HEPACAM2: variants seen among roughly 807,000 people sequenced by gnomAD.
HEPACAM2 encodes mitotic kinetics regulator.
Under a neutral mutation model 49.6 loss-of-function variants are expected in HEPACAM2, and 49 were observed. That is an observed-to-expected ratio of 0.99 (90% CI 0.78 to 1.25). The LOEUF (loss-of-function observed/expected upper bound fraction) is 1.25. Among genes scored for constraint, HEPACAM2 ranks in the 50% most tolerant of loss-of-function variants. The pLI is 0.00. For missense variants in HEPACAM2, 525 were observed against 557.2 expected (o/e 0.94, Z 0.58); for synonymous variants, 197 against 202.9 (o/e 0.97, Z 0.25).
intron 9 of HEPACAM2, among the ~76,000 whole-genome samples, chr7:93,191,541 T>C (rs1293392848): frequency 6.6e-6 from 1 of 152,164 alleles, no homozygotes; most frequent in Admixed American, 6.6e-5. Flanking sequence ...TGATGGAAGA[T>C]GATCTGTGGC....
intron 4 of HEPACAM2, among the ~76,000 whole-genome samples, chr7:93,201,048 T>G (rs564199482): frequency 4.6e-5 from 7 of 152,078 alleles, no homozygotes; most frequent in African/African-American, 1.7e-4. Context: ...AGAAAACCCA[T>G]GTAGGTAGGG....
At chr7:93,197,170 TATA>T (rs771587906) in intron 7 of HEPACAM2, 68 bp downstream of exon 7, 84 of 1,005,540 alleles carry the variant, frequency 8.4e-5, no homozygotes, top group Non-Finnish European at 1.1e-4. Context: ...ATTAATAATA[TATA>T]ATAATATTAA....
intron 2 of HEPACAM2, among the ~76,000 whole-genome samples, chr7:93,216,735 A>C (rs1794315998): frequency 1.3e-5 from 2 of 152,182 alleles, no homozygotes; most frequent in Non-Finnish European, 1.5e-5. Flanking sequence ...GGTGTATTTA[A>C]TAATCTCCTT....
At chr7:93,231,363 C>G (rs1305522173), upstream of HEPACAM2, among the ~76,000 whole-genome samples, 1 of 152,210 alleles carries the variant, frequency 6.6e-6, no homozygotes, top group African/African-American at 2.4e-5. Context: ...CTTAACACAT[C>G]TGATGACCGA....
intron 4 of HEPACAM2, among the ~76,000 whole-genome samples, chr7:93,207,924 TAG>T (rs1794071140): frequency 6.6e-6 from 1 of 151,892 alleles, no homozygotes; most frequent in Non-Finnish European, 1.5e-5. Context: ...AACCATTCTG[TAG>T]AGAGAGAAGA....
At chr7:93,217,225 A>G (rs1328470883) in intron 2 of HEPACAM2, among the ~76,000 whole-genome samples, 1 of 152,200 alleles carries the variant, frequency 6.6e-6, no homozygotes, top group Non-Finnish European at 1.5e-5. Context: ...TGGAACTGTA[A>G]GTGGTATGAG....
At chr7:93,216,269 G>A (rs1305918627) in intron 2 of HEPACAM2, among the ~76,000 whole-genome samples, 1 of 152,070 alleles carries the variant, frequency 6.6e-6, no homozygotes, top group East Asian at 1.9e-4. Flanking sequence ...CATTTGTGTT[G>A]TAACATTATG....
At chr7:93,198,494 A>G (rs1307964062) in intron 4 of HEPACAM2, among the ~76,000 whole-genome samples, 1 of 152,138 alleles carries the variant, frequency 6.6e-6, no homozygotes, top group East Asian at 1.9e-4. Flanking sequence ...AACACAACTT[A>G]TTAACTGTGG....
chr7:93,206,288 AAATT>A (rs1794026889), intron 4 of HEPACAM2, among the ~76,000 whole-genome samples: 2 of 152,084 alleles, frequency 1.3e-5, no homozygotes, highest in Non-Finnish European at 2.9e-5. Flanking sequence ...AAGCCTATAA[AAATT>A]AATAAAATGG....
At chr7:93,228,495 AG>A (rs1360111546), upstream of HEPACAM2, among the ~76,000 whole-genome samples, 1 of 152,198 alleles carries the variant, frequency 6.6e-6, no homozygotes, top group African/African-American at 2.4e-5. Context: ...ATGTTTACAC[AG>A]GAAGTGAGAA....
intron 2 of HEPACAM2, among the ~76,000 whole-genome samples, chr7:93,216,472 A>G (rs2116707232): frequency 6.6e-6 from 1 of 152,340 alleles, no homozygotes; most frequent in East Asian, 1.9e-4. Context: ...GCTCTTAATA[A>G]TATTTGTCAA....
intron 3 of HEPACAM2, among the ~76,000 whole-genome samples, chr7:93,210,079 A>G (rs538879236): frequency 6.6e-6 from 1 of 151,954 alleles, no homozygotes; most frequent in Middle Eastern, 3.4e-3. Flanking sequence ...CACTTTTCCC[A>G]TTGCTTTCTT....
chr7:93,224,949 A>G (rs1485567352), intron 1 of HEPACAM2, among the ~76,000 whole-genome samples: 1 of 152,178 alleles, frequency 6.6e-6, no homozygotes. Context: ...AAGATTGCCA[A>G]GTCATCTGTG....
chr7:93,192,434 G>A (rs1215407141), intron 8 of HEPACAM2, 71 bp from the exon 9 acceptor site: 14 of 1,131,214 alleles, frequency 1.2e-5, no homozygotes, highest in Non-Finnish European at 1.8e-5. Context: ...ATGTTGCATA[G>A]TTGAAAACAA....
rs1794533725 is a variant in HEPACAM2, at chr7:93,226,072, A to G, written c.79+296T>C. 5.5e-6 allele frequency: 3 copies of G among 540,904 alleles called. No individual in the cohort carries two copies. In the South Asian group the frequency reaches 8.9e-5, roughly 16 times the overall value. 33.5% of individuals were successfully genotyped at this position (540,904 alleles called of 1,614,324 possible). A position where few individuals can be genotyped will look rare whatever the true frequency, so the allele number is the denominator to read the frequency against. ...ATGCATTAAAGACTATTGAACCTAT[A>G]TGTAAACTCTAAAAGAAGAAATTCA... On this transcript the variant is annotated intron_variant, in intron 1 of 9. Coordinates refer to ENST00000394468, the MANE Select transcript of HEPACAM2 (RefSeq NM_001039372.4).
In HEPACAM2 at chr7:93,215,528, G is replaced by T. The variant is rs1794282993; in HGVS notation, c.588C>A (p.Ser196=). The T allele has an allele frequency of 5.0e-6, 8 of 1,613,852 alleles. No homozygotes were observed. In the East Asian group the frequency reaches 1.8e-4, roughly 36 times the overall value. ...GRPVHTSSTY[S]FSPQNNTLHI... is the part of the protein sequence containing the mutation. ...GAAGGGTATTGTTTTGGGGAGAAAAGGAGTAGGTGGAGCTGGTGTGGACAG... is the reference window on the plus strand; with the variant it reads ...GAAGGGTATTGTTTTGGGGAGAAAATGAGTAGGTGGAGCTGGTGTGGACAG... The change falls in exon 3 of 10, where the codon TCC becomes TCA. Residue 196 remains serine (S), a synonymous_variant. Coordinates refer to ENST00000394468, the MANE Select transcript of HEPACAM2 (RefSeq NM_001039372.4).
chr7:93,209,570 T>A (rs1446840216), intron 3 of HEPACAM2, among the ~76,000 whole-genome samples: 2 of 151,828 alleles, frequency 1.3e-5, no homozygotes, highest in African/African-American at 4.8e-5. Flanking sequence ...TATTTTTGTG[T>A]CTATTAACCA....
intron 3 of HEPACAM2, among the ~76,000 whole-genome samples, chr7:93,214,367 T>A (rs1794251250): frequency 6.6e-6 from 1 of 152,164 alleles, no homozygotes; most frequent in Non-Finnish European, 1.5e-5. Context: ...AAATCTTTCT[T>A]AAGCCATGTA....
intron 4 of HEPACAM2, among the ~76,000 whole-genome samples, chr7:93,204,537 T>G (rs1793980837): frequency 6.6e-6 from 1 of 152,164 alleles, no homozygotes; most frequent in South Asian, 2.1e-4. Flanking sequence ...ATAGCTATTC[T>G]TTTCTTGAAA....
Sources: gnomAD v4.1 joint callset for allele counts (sites outside exome capture counted in the v4.1 genomes callset) on GRCh38, gnomAD v4.1.1 for gene constraint, MANE v1.5 for transcripts, NCBI Gene and HGNC (gene_info 2026-07-23, HGNC 2026-07-21) for gene names.